Variants in ROBO2 observed in about 807,000 individuals in gnomAD.
The protein encoded by ROBO2 is roundabout homolog 2.
A neutral mutation model predicts 160.8 loss-of-function variants in ROBO2; 53 were observed. The observed-to-expected ratio is 0.33, with a 90% CI of 0.26 to 0.41. The LOEUF is 0.41. Ranked by LOEUF, ROBO2 falls within the 10% of genes least tolerant of loss-of-function variation. The pLI, the probability that ROBO2 is intolerant of heterozygous loss-of-function variation, is 1.00. For synonymous variants in ROBO2, 664 were observed against 611.7 expected (o/e 1.09, Z -1.26); for missense variants, 1,577 against 1,722.4 (o/e 0.92, Z 1.49).
At chr3:77,230,544 T>C (rs2087045714) in intron 2 of ROBO2, among the ~76,000 whole-genome samples, 1 of 152,228 alleles carries the variant, frequency 6.6e-6, no homozygotes, top group Admixed American at 6.5e-5. Flanking sequence ...TTGTTAGAAT[T>C]GGACATATGT....
At chr3:77,585,135 G>GT (rs951856284) in intron 16 of ROBO2, among the ~76,000 whole-genome samples, 22 of 150,720 alleles carry the variant, frequency 1.5e-4, no homozygotes, top group Non-Finnish European at 8.9e-5. Flanking sequence ...TCCTTTCATA[G>GT]TTTTTTTTGG....
Position 77,485,185 on chromosome 3 carries a change from G to A in ROBO2, c.667+3966G>A, listed in dbSNP as rs1408235968. 2.0e-5 allele frequency among the ~76,000 whole-genome samples: 3 copies of A among 151,888 alleles called. 1 individual carries two copies. The highest frequency in any genetic ancestry group is 2.0e-4 in the Admixed American group (3 of 15,242). ...CTTGGTTAACCCCTCTTTTCAGAAGGGGTTCTCAACTTCTTTCTGCTTGGC... is the reference window on the plus strand; with the variant it reads ...CTTGGTTAACCCCTCTTTTCAGAAGAGGTTCTCAACTTCTTTCTGCTTGGC... On this transcript the variant is annotated intron_variant, in intron 4 of 25. Coordinates refer to ENST00000461745, the Ensembl canonical transcript of ROBO2.
intron 2 of ROBO2, among the ~76,000 whole-genome samples, chr3:77,314,473 T>G (rs1206171743): frequency 6.6e-6 from 1 of 152,244 alleles, no homozygotes. Context: ...CTCTAGTGAA[T>G]ATGTCATTAG....
intron 1 of ROBO2, among the ~76,000 whole-genome samples, chr3:77,062,577 G>A (rs2066431481): frequency 2.6e-5 from 4 of 152,102 alleles, no homozygotes; most frequent in Non-Finnish European, 5.9e-5. Flanking sequence ...GGTCATGATT[G>A]TGTGGTAGCC....
chr3:76,908,149 G>A (rs925162403), intron 2 of ROBO2, among the ~76,000 whole-genome samples: 1 of 151,824 alleles, frequency 6.6e-6, no homozygotes, highest in African/African-American at 2.4e-5. Flanking sequence ...CTGCCTTTCT[G>A]TTTTAATACC....
intron 2 of ROBO2, among the ~76,000 whole-genome samples, chr3:76,267,929 C>A (rs1487271917): frequency 1.3e-5 from 2 of 152,142 alleles, no homozygotes; most frequent in East Asian, 3.9e-4. Context: ...CTATGCTTCA[C>A]AGAAGTAGCT....
chr3:75,992,473 C>T (rs2065601553), intron 2 of ROBO2, among the ~76,000 whole-genome samples: 1 of 152,120 alleles, frequency 6.6e-6, no homozygotes, highest in Non-Finnish European at 1.5e-5. Context: ...GGTGGGGGAA[C>T]CTCCTTCTAG....
exon 14 of ROBO2, chr3:77,574,638 A>C: frequency 1.2e-6 from 2 of 1,613,322 alleles, no homozygotes; most frequent in Non-Finnish European, 8.5e-7. Flanking sequence ...AACCTGAAAA[A>C]GGGGGTGACT....
At chr3:77,387,901 C>A (rs2074301081) in intron 2 of ROBO2, among the ~76,000 whole-genome samples, 1 of 152,068 alleles carries the variant, frequency 6.6e-6, no homozygotes. Flanking sequence ...CCTGCTTTTC[C>A]CCTTCAAATA....
intron 2 of ROBO2, among the ~76,000 whole-genome samples, chr3:76,896,894 A>G (rs1217014839): frequency 6.6e-6 from 1 of 152,178 alleles, no homozygotes; most frequent in Non-Finnish European, 1.5e-5. Flanking sequence ...AAATTTCAAA[A>G]TATACAGGAG....
chr3:76,622,237 A>AGGAAGGAAG (rs1378124303), intron 2 of ROBO2, among the ~76,000 whole-genome samples: 1 of 40,244 alleles, frequency 2.5e-5, no homozygotes, highest in African/African-American at 1.2e-4. Flanking sequence ...GAAGGAAGGA[A>AGGAAGGAAG]GAAAGAAAGA....
intron 1 of ROBO2, among the ~76,000 whole-genome samples, chr3:77,055,501 A>G (rs2065651249): frequency 6.6e-6 from 1 of 152,000 alleles, no homozygotes; most frequent in Non-Finnish European, 1.5e-5. Context: ...GTAGACTCAT[A>G]CTCCTTTTTG....
At chr3:77,356,713 C>T (rs2069182711) in intron 2 of ROBO2, among the ~76,000 whole-genome samples, 2 of 152,106 alleles carry the variant, frequency 1.3e-5, no homozygotes, top group South Asian at 4.1e-4. Context: ...TGATACCATA[C>T]AGTCTCAGGA....
At chr3:77,295,839 G>T (rs56268580) in intron 2 of ROBO2, among the ~76,000 whole-genome samples, 41,796 of 125,042 alleles carry the variant, frequency 0.33, 7,384 homozygotes, top group Middle Eastern at 0.51. Context: ...AAATTGACGG[G>T]TAAACGGGTA....
At chr3:77,627,316 G>A (rs1464681140) in intron 23 of ROBO2, among the ~76,000 whole-genome samples, 1 of 151,548 alleles carries the variant, frequency 6.6e-6, no homozygotes, top group Non-Finnish European at 1.5e-5. Flanking sequence ...GTCTCGCTCT[G>A]TCACCCAGGT....
intron 2 of ROBO2, among the ~76,000 whole-genome samples, chr3:77,231,614 A>C (rs934125824): frequency 7.6e-6 from 1 of 132,000 alleles, no homozygotes; most frequent in African/African-American, 2.8e-5. Flanking sequence ...TTCTTAATAC[A>C]TTACATTATT....
At chr3:76,147,375 AT>A (rs1334673184) in intron 2 of ROBO2, among the ~76,000 whole-genome samples, 3 of 117,000 alleles carry the variant, frequency 2.6e-5, no homozygotes, top group Non-Finnish European at 3.8e-5. Flanking sequence ...AGGAATCAAT[AT>A]TAATTATCTT....
chr3:76,195,696 G>T (rs1418659053), intron 2 of ROBO2, among the ~76,000 whole-genome samples: 7 of 152,184 alleles, frequency 4.6e-5, no homozygotes, highest in African/African-American at 1.4e-4. Context: ...AGTTCAAGTT[G>T]TCAAAGCCAA....
chr3:76,285,339 A>G (rs1477920714), intron 2 of ROBO2, among the ~76,000 whole-genome samples: 4 of 152,126 alleles, frequency 2.6e-5, no homozygotes, highest in Non-Finnish European at 5.9e-5. Flanking sequence ...ACTCAGTAAC[A>G]ATGATGGTAC....
Sources: allele counts gnomAD v4.1 joint callset (sites outside exome capture counted in the v4.1 genomes callset), GRCh38; gene constraint gnomAD v4.1.1; transcripts MANE v1.5; gene names NCBI Gene and HGNC (gene_info 2026-07-23, HGNC 2026-07-21).